Variants in BICDL1 observed in about 807,000 individuals in gnomAD.
BICDL1 encodes BICD family like cargo adaptor 1.
In BICDL1, 20 loss-of-function variants were observed where a neutral mutation model predicts 76.8. The ratio of observed to expected loss-of-function variants is 0.26; its 90% CI spans 0.18 to 0.38. The LOEUF is 0.38. BICDL1 is among the 10% of genes least tolerant of loss of function. The probability of loss-of-function intolerance (pLI) is 1.00; values close to 1 mark genes in which losing one functional copy is unlikely to be tolerated. For missense variants in BICDL1, 700 were observed against 798.6 expected, an observed-to-expected ratio of 0.88 and a Z score of 1.49; for synonymous variants, 383 against 337.1, an observed-to-expected ratio of 1.14 and a Z score of -1.49.
chr12:120,016,496 G>T (rs571099155), intron 2 of BICDL1, among the ~76,000 whole-genome samples: 165 of 138,580 alleles, frequency 1.2e-3, no homozygotes, highest in African/African-American at 4.1e-3. Flanking sequence ...CTGGAGTACA[G>T]TGGCGTGATC....
chr12:120,024,158 G>A (rs2138725685), intron 2 of BICDL1, among the ~76,000 whole-genome samples: 1 of 152,146 alleles, frequency 6.6e-6, no homozygotes, highest in Non-Finnish European at 1.5e-5. Flanking sequence ...GTGCACGCTT[G>A]TAATCCCAGC....
intron 2 of BICDL1, among the ~76,000 whole-genome samples, chr12:120,055,315 A>G (rs938495688): frequency 1.6e-4 from 24 of 152,240 alleles, no homozygotes; most frequent in Non-Finnish European, 1.5e-5. Context: ...ATTTAACAAG[A>G]AAGTGTGTAG....
At chr12:120,087,756 T>G (rs1874548264) in intron 8 of BICDL1, among the ~76,000 whole-genome samples, 1 of 152,220 alleles carries the variant, frequency 6.6e-6, no homozygotes, top group African/African-American at 2.4e-5. Context: ...AATTTTCTTT[T>G]GCATTGAACA....
chr12:120,010,609 C>G (rs1951933878), intron 2 of BICDL1, among the ~76,000 whole-genome samples: 1 of 152,206 alleles, frequency 6.6e-6, no homozygotes, highest in African/African-American at 2.4e-5. Flanking sequence ...GGAATAGCTG[C>G]AAGGAAGAGC....
At chr12:120,090,985 A>G in intron 9 of BICDL1, 1 of 1,288,836 alleles carries the variant, frequency 7.8e-7, no homozygotes, top group Non-Finnish European at 1.0e-6. Flanking sequence ...TTCCCGTATC[A>G]ACAGCTTTAG....
chr12:120,093,121 C>T lies in BICDL1; in HGVS notation c.1826C>T (p.Ala609Val), dbSNP rs1472475482. 1 of 1,613,280 alleles carries T rather than the reference C, an allele frequency of 6.2e-7. No individual in the cohort carries two copies. Among genetic ancestry groups the T allele is most frequent in the Middle Eastern group, 1.7e-4 (1 of 6,058 alleles). ...SAGRGDEPSI[A>V]EGKRLFSFFR... ...GGGCGGGGGGATGAGCCCAGCATCGCTGAAGGCAAACGACTCTTCTCATTC... is the reference window on the plus strand; with the variant it reads ...GGGCGGGGGGATGAGCCCAGCATCGTTGAAGGCAAACGACTCTTCTCATTC... Residue 609 changes from alanine to valine, a missense_variant, in exon 10 of 10, where the codon GCT becomes GTT. This residue lies in a region of BICDL1 where 455 missense variants were observed against 548.7 expected (regional missense o/e 0.83). Coordinates refer to ENST00000548673, the MANE Select transcript of BICDL1 (RefSeq NM_001367886.1).
chr12:120,076,772 G>A (rs1159811061), intron 7 of BICDL1, among the ~76,000 whole-genome samples: 1 of 152,254 alleles, frequency 6.6e-6, no homozygotes, highest in East Asian at 1.9e-4. Context: ...CTCATGGGGA[G>A]TAACACTGGC....
At chr12:120,065,636 G>T (rs1235201106) in intron 4 of BICDL1, among the ~76,000 whole-genome samples, 1 of 152,202 alleles carries the variant, frequency 6.6e-6, no homozygotes, top group Non-Finnish European at 1.5e-5. Context: ...GGAGTGCATT[G>T]CTTCCCTTTG....
chr12:119,993,472 A>G (rs1468271837), intron 1 of BICDL1: 4 of 152,234 alleles, frequency 2.6e-5, no homozygotes, highest in Non-Finnish European at 5.9e-5. Context: ...AAAGGTTAAC[A>G]GAAGTTTTTT....
intron 6 of BICDL1, among the ~76,000 whole-genome samples, chr12:120,074,143 G>C (rs1271838137): frequency 6.6e-6 from 1 of 152,072 alleles, no homozygotes; most frequent in African/African-American, 2.4e-5. Flanking sequence ...TCGATCTCCT[G>C]ACCTCGTGAT....
At chr12:119,995,150 A>C (rs11064985) in intron 1 of BICDL1, among the ~76,000 whole-genome samples, 13,084 of 152,248 alleles carry the variant, frequency 0.086, 673 homozygotes, top group African/African-American at 0.14. Context: ...GAAACGAAGG[A>C]GAGCATAAGC....
chr12:119,993,798 T>G (rs566457287), intron 1 of BICDL1, among the ~76,000 whole-genome samples: 2 of 152,142 alleles, frequency 1.3e-5, no homozygotes, highest in East Asian at 3.9e-4. Context: ...TTGTATTTTT[T>G]AGAGATGGGG....
At chr12:119,994,576 G>A (rs989230945) in intron 1 of BICDL1, among the ~76,000 whole-genome samples, 2 of 151,864 alleles carry the variant, frequency 1.3e-5, no homozygotes, top group Admixed American at 1.3e-4. Flanking sequence ...TGCAACCTCC[G>A]CCTCCCGGGT....
intron 8 of BICDL1, among the ~76,000 whole-genome samples, chr12:120,084,149 T>C (rs775965312): frequency 6.6e-6 from 1 of 152,120 alleles, no homozygotes; most frequent in Non-Finnish European, 1.5e-5. Context: ...ACTACAGGCA[T>C]GTGCCACCAT....
chr12:119,990,584 A>G (rs928969280), intron 1 of BICDL1, among the ~76,000 whole-genome samples: 1 of 152,234 alleles, frequency 6.6e-6, no homozygotes, highest in African/African-American at 2.4e-5. Flanking sequence ...CAGTATGACT[A>G]TATAGCACTG....
rs1194959810 is a variant in BICDL1 at position 120,093,952 on chromosome 12, TC to T, written c.*793del. 3.1e-6 allele frequency: 1 copy of T among 325,018 alleles called. No individual in the cohort carries two copies. Among genetic ancestry groups the T allele is most frequent in the Non-Finnish European group, 6.1e-6 (1 of 162,802 alleles). The allele number at this position is 325,018 out of a possible 1,614,324, so 20.1% of individuals were successfully genotyped here. Reference sequence around the variant, plus strand: ...AGGGCTGGGGTTGGACGGGGTCTCCTCCTCCCACAGCTCCCTCCTCCACCCC... The same window carrying T: ...AGGGCTGGGGTTGGACGGGGTCTCCTCTCCCACAGCTCCCTCCTCCACCCC... On this transcript the variant is annotated 3_prime_UTR_variant, in exon 10 of 10. Transcript: ENST00000548673.
intron 2 of BICDL1, among the ~76,000 whole-genome samples, chr12:120,048,219 C>T (rs770007143): frequency 4.6e-5 from 7 of 151,580 alleles, no homozygotes; most frequent in Non-Finnish European, 7.4e-5. Context: ...CTCACTGTGT[C>T]GCTCAGGCTG....
intron 8 of BICDL1, among the ~76,000 whole-genome samples, chr12:120,086,536 G>A (rs1874432304): frequency 6.6e-6 from 1 of 152,196 alleles, no homozygotes; most frequent in Non-Finnish European, 1.5e-5. Flanking sequence ...ATTTTAATGT[G>A]TAGTCAGGGG....
intron 4 of BICDL1, among the ~76,000 whole-genome samples, chr12:120,070,504 GT>G (rs1873002962): frequency 6.6e-6 from 1 of 152,016 alleles, no homozygotes; most frequent in African/African-American, 2.4e-5. Context: ...AATTTAATAA[GT>G]TCATCTGTAA....
Sources: gnomAD v4.1 joint callset for allele counts (sites outside exome capture counted in the v4.1 genomes callset) on GRCh38, gnomAD v4.1.1 for gene constraint, gnomAD v4.1.1 regional missense constraint, MANE v1.5 for transcripts, NCBI Gene and HGNC (gene_info 2026-07-23, HGNC 2026-07-21) for gene names.